The following PHF24 variants were observed in gnomAD, a reference collection of about 807,000 sequenced individuals.
The protein encoded by PHF24 is Galpha inhibitory interacting protein.
PHF24 carries 25 observed loss-of-function variants against 42.6 expected under a neutral mutation model. The observed-to-expected ratio is 0.59, with a 90% CI of 0.43 to 0.82. The LOEUF (loss-of-function observed/expected upper bound fraction) is 0.82. Ranked by LOEUF, PHF24 falls within the 40% of genes least tolerant of loss-of-function variation. The probability of loss-of-function intolerance (pLI) is 0.00; values close to 1 mark genes in which losing one functional copy is unlikely to be tolerated. For synonymous variants in PHF24, 185 were observed against 204.8 expected (o/e 0.90, Z 0.83); for missense variants, 470 against 538.1 (o/e 0.87, Z 1.25).
the PHF24 span, among the ~76,000 whole-genome samples, chr9:34,735,280 C>T: frequency 6.7e-5 from 10 of 150,370 alleles, no homozygotes; most frequent in Non-Finnish European, 8.9e-5. Context: ...GGATTACAGG[C>T]GCCCGCCACT....
chr9:34,687,593 G>T, the PHF24 span, among the ~76,000 whole-genome samples: 1 of 152,166 alleles, frequency 6.6e-6, no homozygotes, highest in Non-Finnish European at 1.5e-5. Flanking sequence ...TGGAGGTAGC[G>T]TCCAGGGGCC....
intron 1 of PHF24, among the ~76,000 whole-genome samples, chr9:34,967,700 G>A (rs78532558): frequency 0.013 from 1,998 of 152,266 alleles, 36 homozygotes; most frequent in East Asian, 0.073. Flanking sequence ...GCAGCATCTG[G>A]GGACTACAGG....
chr9:34,966,042 T>C (rs1472728247), intron 1 of PHF24, among the ~76,000 whole-genome samples: 1 of 152,212 alleles, frequency 6.6e-6, no homozygotes, highest in East Asian at 1.9e-4. Context: ...GGAGAGTTAG[T>C]ACCTTCCGTA....
At chr9:34,978,251 G>T (rs1827276341) in exon 8 of PHF24, 4 of 639,618 alleles carry the variant, frequency 6.3e-6, no homozygotes, top group South Asian at 5.5e-5. Context: ...AAGCTTTAAG[G>T]CACTGAAATC....
At chr9:34,906,945 G>C in the PHF24 span, among the ~76,000 whole-genome samples, 1 of 152,114 alleles carries the variant, frequency 6.6e-6, no homozygotes, top group African/African-American at 2.4e-5. Flanking sequence ...GAGTGCAGTG[G>C]TGTGATTATA....
At chr9:34,841,613 T>C in the PHF24 span, among the ~76,000 whole-genome samples, 1 of 152,198 alleles carries the variant, frequency 6.6e-6, no homozygotes, top group Non-Finnish European at 1.5e-5. Context: ...ATCCCAGCAC[T>C]TTGGGAGGCC....
At chr9:34,971,662 G>C (rs369451391) in exon 2 of PHF24, 6 of 1,609,618 alleles carry the variant, frequency 3.7e-6, no homozygotes, top group East Asian at 2.2e-5. Context: ...AATCTGCCTG[G>C]AGCCCAGAGA....
At chr9:34,743,793 C>T in the PHF24 span, among the ~76,000 whole-genome samples, 3 of 152,188 alleles carry the variant, frequency 2.0e-5, no homozygotes, top group Non-Finnish European at 2.9e-5. Flanking sequence ...GCTGCTGTAA[C>T]AGAATACTTG....
At chr9:34,712,554 G>GA in the PHF24 span, among the ~76,000 whole-genome samples, 2 of 151,818 alleles carry the variant, frequency 1.3e-5, no homozygotes, top group African/African-American at 4.8e-5. Context: ...TGCCCCTAGT[G>GA]AATTGTACAT....
At chr9:34,838,054 T>C in the PHF24 span, among the ~76,000 whole-genome samples, 1 of 152,048 alleles carries the variant, frequency 6.6e-6, no homozygotes, top group African/African-American at 2.4e-5. Context: ...ACCAAAAAAA[T>C]CCCCCATATT....
chr9:34,886,297 C>A, the PHF24 span, among the ~76,000 whole-genome samples: 1 of 151,772 alleles, frequency 6.6e-6, no homozygotes, highest in Admixed American at 6.6e-5. Context: ...ACTCTCCCCT[C>A]CTTCACCTCT....
At chr9:34,850,871 C>G in the PHF24 span, among the ~76,000 whole-genome samples, 1 of 152,168 alleles carries the variant, frequency 6.6e-6, no homozygotes, top group Non-Finnish European at 1.5e-5. Flanking sequence ...CACTCCAGAC[C>G]CTGTTTGCCT....
the PHF24 span, among the ~76,000 whole-genome samples, chr9:34,692,787 T>TC: frequency 7.1e-6 from 1 of 141,732 alleles, no homozygotes; most frequent in African/African-American, 2.7e-5. Flanking sequence ...CTTTTGTCCT[T>TC]TTTTTTTTTT....
intron 1 of PHF24, 55 bp from the exon 2 acceptor site, chr9:34,971,240 G>A: frequency 6.5e-7 from 1 of 1,536,272 alleles, no homozygotes; most frequent in Non-Finnish European, 8.8e-7. Context: ...AAACTGATTA[G>A]CCTGACATCC....
the PHF24 span, among the ~76,000 whole-genome samples, chr9:34,763,639 G>A: frequency 6.6e-6 from 1 of 152,138 alleles, no homozygotes; most frequent in Non-Finnish European, 1.5e-5. Flanking sequence ...CATGTCATCT[G>A]CAAACAGGGA....
At chr9:34,857,129 T>C in the PHF24 span, among the ~76,000 whole-genome samples, 1 of 152,086 alleles carries the variant, frequency 6.6e-6, no homozygotes, top group Non-Finnish European at 1.5e-5. Context: ...ACCACAGAGA[T>C]GGCGGCCACT....
chr9:34,934,325 G>T, the PHF24 span, among the ~76,000 whole-genome samples: 3 of 152,166 alleles, frequency 2.0e-5, no homozygotes. Context: ...AATACAGAGT[G>T]CCGTACAAAT....
chr9:34,929,249 C>T, the PHF24 span, among the ~76,000 whole-genome samples: 1 of 152,122 alleles, frequency 6.6e-6, no homozygotes, highest in Non-Finnish European at 1.5e-5. Flanking sequence ...TCATATGCTC[C>T]TTTTGTTTGT....
the PHF24 span, among the ~76,000 whole-genome samples, chr9:34,853,524 T>C: frequency 6.6e-6 from 1 of 152,164 alleles, no homozygotes; most frequent in African/African-American, 2.4e-5. Flanking sequence ...TTGGAATAGA[T>C]TCAATAGAAA....
Sources: gnomAD v4.1 joint callset for allele counts (sites outside exome capture counted in the v4.1 genomes callset) on GRCh38, gnomAD v4.1.1 for gene constraint, MANE v1.5 for transcripts, NCBI Gene and HGNC (gene_info 2026-07-23, HGNC 2026-07-21) for gene names.